The following SEMA5A variants were observed in gnomAD, a reference collection of about 807,000 sequenced individuals.
SEMA5A encodes the protein semaphorin 5A, also known as semaphorin-5A.
In SEMA5A, 55 loss-of-function variants were observed where a neutral mutation model predicts 135.5. That is an observed-to-expected ratio of 0.41 (90% CI 0.33 to 0.51). The LOEUF (loss-of-function observed/expected upper bound fraction) is 0.51, where lower values mean the gene tolerates loss of function less well. Ranked by LOEUF, SEMA5A falls within the 20% of genes least tolerant of loss-of-function variation. The pLI is 0.37. For missense variants in SEMA5A, 1,290 were observed against 1,419.9 expected, an observed-to-expected ratio of 0.91 and a Z score of 1.47; for synonymous variants, 580 against 546.5, an observed-to-expected ratio of 1.06 and a Z score of -0.85.
intron 3 of SEMA5A, among the ~76,000 whole-genome samples, chr5:9,369,725 C>A (rs374930438): frequency 2.6e-5 from 4 of 151,698 alleles, no homozygotes; most frequent in African/African-American, 9.7e-5. Flanking sequence ...GCAATTACAT[C>A]ATTGTTTTGA....
At position 9,202,027 on chromosome 5, in the gene SEMA5A, T is replaced by C. The variant is rs1209651278; in HGVS notation, c.860A>G (p.Tyr287Cys). The C allele has an allele frequency of 1.9e-6, 3 of 1,614,124 alleles. No individual in the cohort carries two copies. The highest frequency in any genetic ancestry group is 3.3e-4 in the Middle Eastern group (2 of 6,062). Residue 287 changes from tyrosine (Y) to cysteine (C), a missense_variant, in exon 9 of 23, where the codon TAC (tyrosine) becomes TGC (cysteine). Around this residue, in one of 3 missense-constraint regions of SEMA5A, gnomAD observed 1,029 missense variants for 1,086.6 expected, o/e 0.95. Coordinates refer to ENST00000382496, the MANE Select transcript of SEMA5A (RefSeq NM_003966.3). ...GAAAGTACTCTGCAATTCGTTGTAGTAAAAGGGGACTTCCCCAGGACGGGA... is the reference window on the plus strand; with the variant it reads ...GAAAGTACTCTGCAATTCGTTGTAGCAAAAGGGGACTTCCCCAGGACGGGA... ...NCSRPGEVPF[Y>C]YNELQSTFFL...
intron 2 of SEMA5A, among the ~76,000 whole-genome samples, chr5:9,430,121 G>A (rs1757806630): frequency 6.6e-6 from 1 of 152,190 alleles, no homozygotes; most frequent in South Asian, 2.1e-4. Context: ...AATAAGATTT[G>A]TTGACAGCTG....
At chr5:9,244,970 A>C (rs1331722927) in intron 5 of SEMA5A, among the ~76,000 whole-genome samples, 1 of 152,250 alleles carries the variant, frequency 6.6e-6, no homozygotes, top group Non-Finnish European at 1.5e-5. Context: ...CTTTTTCAGC[A>C]GTAGACAACG....
intron 5 of SEMA5A, among the ~76,000 whole-genome samples, chr5:9,289,199 ATACAGTATACAC>A (rs1750948054): frequency 6.6e-6 from 1 of 152,256 alleles, no homozygotes; most frequent in African/African-American, 2.4e-5. Context: ...TATATTTTAA[ATACAGTATACAC>A]ATCTGAAAAT....
At chr5:9,431,110 G>A (rs1757841725) in intron 2 of SEMA5A, among the ~76,000 whole-genome samples, 1 of 152,122 alleles carries the variant, frequency 6.6e-6, no homozygotes, top group South Asian at 2.1e-4. Context: ...TCCACTAGCT[G>A]GAATATTGTG....
chr5:9,103,590 A>T (rs1399503127), intron 16 of SEMA5A, among the ~76,000 whole-genome samples: 1 of 152,162 alleles, frequency 6.6e-6, no homozygotes, highest in African/African-American at 2.4e-5. Flanking sequence ...CTTGTGGTCA[A>T]TTGTTTCACG....
intron 1 of SEMA5A, among the ~76,000 whole-genome samples, chr5:9,445,668 CA>C (rs1000234598): frequency 4.8e-5 from 7 of 147,046 alleles, no homozygotes; most frequent in African/African-American, 1.0e-4. Flanking sequence ...GACTCTGTCT[CA>C]AAAAAAAAAG....
intron 8 of SEMA5A, among the ~76,000 whole-genome samples, chr5:9,219,924 T>G (rs542124559): frequency 8.9e-4 from 135 of 152,218 alleles, no homozygotes; most frequent in Non-Finnish European, 1.4e-3. Context: ...GATCTGTGAA[T>G]GGTCCTCAGT....
At chr5:9,101,523 T>C (rs1289565712) in intron 16 of SEMA5A, among the ~76,000 whole-genome samples, 1 of 152,238 alleles carries the variant, frequency 6.6e-6, no homozygotes, top group Non-Finnish European at 1.5e-5. Context: ...AGAATATTAT[T>C]TTTATCTATA....
intron 5 of SEMA5A, among the ~76,000 whole-genome samples, chr5:9,299,965 C>T (rs538345948): frequency 1.3e-5 from 2 of 152,176 alleles, no homozygotes; most frequent in South Asian, 4.2e-4. Context: ...GATATTATTA[C>T]AGTACTGAAA....
chr5:9,293,364 C>T (rs897525533), intron 5 of SEMA5A, among the ~76,000 whole-genome samples: 2 of 152,180 alleles, frequency 1.3e-5, no homozygotes, highest in African/African-American at 4.8e-5. Context: ...TCTTTTACTT[C>T]TTAAGGGTTT....
Position 9,136,557 on chromosome 5 carries a change from G to A in SEMA5A, c.1546C>T (p.Leu516=). The change falls in exon 13 of 23, where the codon CTG becomes TTG. Residue 516 remains leucine, a synonymous_variant. Coordinates refer to ENST00000382496, the MANE Select transcript of SEMA5A (RefSeq NM_003966.3). ...WDVVMKKCTS[L]EESLSMTQWE... ...TGCGTCATGCTCAGGCTCTCCTCCA[G>A]GCTTGTGCATTTCTTCATTACCACA... 1 of 1,614,180 alleles carries A rather than the reference G, an allele frequency of 6.2e-7. No homozygotes were observed. The highest frequency in any genetic ancestry group is 8.5e-7 in the Non-Finnish European group (1 of 1,180,026).
intron 3 of SEMA5A, among the ~76,000 whole-genome samples, chr5:9,352,135 C>A (rs1754151026): frequency 6.8e-6 from 1 of 148,078 alleles, no homozygotes; most frequent in Admixed American, 6.8e-5. Flanking sequence ...TTACTAATAT[C>A]TGTGTTCTCT....
At chr5:9,051,829 T>A (rs764245489) in intron 20 of SEMA5A, 44 bp downstream of exon 20, 5 of 1,609,602 alleles carry the variant, frequency 3.1e-6, no homozygotes, top group Admixed American at 3.3e-5. Flanking sequence ...TCTCTCCATG[T>A]TGGAAATGAT....
At chr5:9,386,658 G>A (rs1755906056) in intron 2 of SEMA5A, among the ~76,000 whole-genome samples, 1 of 152,192 alleles carries the variant, frequency 6.6e-6, no homozygotes, top group African/African-American at 2.4e-5. Flanking sequence ...ACCCAGATGG[G>A]ACATTAGAGT....
chr5:9,356,824 T>G (rs1754470273), intron 3 of SEMA5A, among the ~76,000 whole-genome samples: 1 of 152,112 alleles, frequency 6.6e-6, no homozygotes, highest in Non-Finnish European at 1.5e-5. Flanking sequence ...AATAAAGCAG[T>G]TATTGTCTAA....
intron 16 of SEMA5A, among the ~76,000 whole-genome samples, chr5:9,066,971 T>C (rs562115432): frequency 6.6e-6 from 1 of 152,296 alleles, no homozygotes; most frequent in South Asian, 2.1e-4. Flanking sequence ...TAGCTAAAAG[T>C]ACCCATTATT....
chr5:9,117,312 G>T (rs1370379952), intron 15 of SEMA5A, among the ~76,000 whole-genome samples: 1 of 152,132 alleles, frequency 6.6e-6, no homozygotes, highest in Non-Finnish European at 1.5e-5. Flanking sequence ...TTGTGGTGGT[G>T]CCTTGACTCT....
At chr5:9,396,349 A>T (rs1449627394) in intron 2 of SEMA5A, among the ~76,000 whole-genome samples, 2 of 151,994 alleles carry the variant, frequency 1.3e-5, no homozygotes, top group African/African-American at 4.8e-5. Flanking sequence ...ACATTCTCCA[A>T]AGGAATTCAT....
Sources: allele counts gnomAD v4.1 joint callset (sites outside exome capture counted in the v4.1 genomes callset), GRCh38; gene constraint gnomAD v4.1.1; regional missense constraint gnomAD v4.1.1; transcripts MANE v1.5; gene names NCBI Gene and HGNC (gene_info 2026-07-23, HGNC 2026-07-21).